RABGAP1L: variants seen among roughly 807,000 people sequenced by gnomAD.
The protein encoded by RABGAP1L is rab GTPase-activating protein 1-like.
Under a neutral mutation model 137.7 loss-of-function variants are expected in RABGAP1L, and 63 were observed. The ratio of observed to expected loss-of-function variants is 0.46; its 90% confidence interval spans 0.37 to 0.56. The LOEUF (loss-of-function observed/expected upper bound fraction) is 0.56, where lower values mean the gene tolerates loss of function less well. RABGAP1L is among the 20% of genes least tolerant of loss of function. The pLI is 0.00. For synonymous variants in RABGAP1L, 431 were observed against 433.7 expected (o/e 0.99, Z 0.08); for missense variants, 1,095 against 1,244.0 (o/e 0.88, Z 1.80).
At chr1:174,794,540 A>C (rs1294152954) in intron 18 of RABGAP1L, among the ~76,000 whole-genome samples, 1 of 152,248 alleles carries the variant, frequency 6.6e-6, no homozygotes, top group Non-Finnish European at 1.5e-5. Context: ...GTTGCCATAC[A>C]GAAGCTCAGA....
intron 14 of RABGAP1L, among the ~76,000 whole-genome samples, chr1:174,645,426 C>T (rs138213021): frequency 0.021 from 2,340 of 109,120 alleles, 52 homozygotes; most frequent in African/African-American, 0.068. Flanking sequence ...GTGTGATGTT[C>T]CCCTCCCTGT....
chr1:174,588,357 G>A (rs1233651103), intron 13 of RABGAP1L, among the ~76,000 whole-genome samples: 2 of 151,290 alleles, frequency 1.3e-5, no homozygotes, highest in Non-Finnish European at 2.9e-5. Flanking sequence ...AGAGATGGGG[G>A]TTTCATCATG....
intron 17 of RABGAP1L, among the ~76,000 whole-genome samples, chr1:174,743,621 C>G (rs937056793): frequency 6.6e-6 from 1 of 151,620 alleles, no homozygotes; most frequent in East Asian, 1.9e-4. Context: ...TGAACATATA[C>G]CTTTGAACCT....
rs58721848 is a variant in RABGAP1L at position 174,685,551 on chromosome 1, CTTTA to C, written c.1899+1984_1899+1987del. ...TACAGGCGTGAGCCACCGCGCCGGC[CTTTA>C]TTTATTTATTTATTTATTTATTTAT... On this transcript the variant is annotated intron_variant, in intron 15 of 25. Coordinates refer to ENST00000681986, the MANE Select transcript of RABGAP1L (RefSeq NM_001366446.1). Among the ~76,000 whole-genome samples, 790 of 145,044 alleles carry C rather than the reference CTTTA, an allele frequency of 5.4e-3. 10 individuals are homozygous for C. The highest frequency in any genetic ancestry group is 0.019 in the African/African-American group (735 of 38,386).
chr1:174,733,332 A>T (rs1258103543), intron 17 of RABGAP1L, among the ~76,000 whole-genome samples: 1 of 152,146 alleles, frequency 6.6e-6, no homozygotes, highest in Non-Finnish European at 1.5e-5. Flanking sequence ...CATCCCTCAC[A>T]TGCACTTTCG....
intron 13 of RABGAP1L, among the ~76,000 whole-genome samples, chr1:174,463,161 G>T (rs1431633484): frequency 6.6e-6 from 1 of 151,978 alleles, no homozygotes; most frequent in Admixed American, 6.6e-5. Flanking sequence ...CCCATTACTG[G>T]GTATATACCC....
chr1:174,173,077 A>G (rs1371927779), intron 1 of RABGAP1L, among the ~76,000 whole-genome samples: 1 of 151,976 alleles, frequency 6.6e-6, no homozygotes, highest in Admixed American at 6.6e-5. Context: ...ATATATAATT[A>G]TCTGAGTAAG....
chr1:174,701,000 T>G, intron 16 of RABGAP1L: 1 of 1,221,744 alleles, frequency 8.2e-7, no homozygotes, highest in Non-Finnish European at 1.1e-6. Context: ...CATTTGGACG[T>G]TCCATTTGAA....
intron 1 of RABGAP1L, among the ~76,000 whole-genome samples, chr1:174,197,815 G>C (rs1260465661): frequency 2.6e-5 from 4 of 151,820 alleles, no homozygotes; most frequent in South Asian, 2.1e-4. Context: ...AAAAAAATCT[G>C]TTATGGTGTG....
At position 174,862,933 on chromosome 1, in the gene RABGAP1L, C is replaced by T. The variant is rs201424121; in HGVS notation, c.2340+50973C>T. 4.0e-5 allele frequency among the ~76,000 whole-genome samples: 6 copies of T among 151,500 alleles called. No individual in the cohort carries two copies. In the East Asian group the frequency reaches 7.8e-4, roughly 20 times the overall value. On this transcript the variant is annotated intron_variant, in intron 19 of 25. Coordinates refer to ENST00000681986, the MANE Select transcript of RABGAP1L (RefSeq NM_001366446.1). ...TTTTTTAAATGGAGTCTTGCTGTGTCGCCCAGGTTGGAGTGCAGTAGCTCG... is the reference window on the plus strand; with the variant it reads ...TTTTTTAAATGGAGTCTTGCTGTGTTGCCCAGGTTGGAGTGCAGTAGCTCG...
At chr1:174,962,203 C>T (rs115335206) in intron 20 of RABGAP1L, among the ~76,000 whole-genome samples, 1 of 137,708 alleles carries the variant, frequency 7.3e-6, no homozygotes, top group Non-Finnish European at 1.6e-5. Context: ...TACACCCCCC[C>T]CCCACACACA....
At chr1:174,435,391 G>C (rs1190314048) in intron 13 of RABGAP1L, among the ~76,000 whole-genome samples, 1 of 151,884 alleles carries the variant, frequency 6.6e-6, no homozygotes, top group East Asian at 1.9e-4. Flanking sequence ...TATATTTGCA[G>C]TTTCAATTTT....
chr1:174,383,564 C>A (rs930038877), intron 12 of RABGAP1L, among the ~76,000 whole-genome samples: 3 of 152,178 alleles, frequency 2.0e-5, no homozygotes, highest in East Asian at 1.9e-4. Flanking sequence ...CAGGTGCGTC[C>A]GTCACCGCTT....
chr1:174,559,219 C>T (rs1425006606), intron 13 of RABGAP1L, among the ~76,000 whole-genome samples: 1 of 152,070 alleles, frequency 6.6e-6, no homozygotes, highest in Non-Finnish European at 1.5e-5. Context: ...TTTTCTATTG[C>T]TCATATTATC....
chr1:174,489,140 A>G (rs1659964387), intron 13 of RABGAP1L, among the ~76,000 whole-genome samples: 1 of 152,048 alleles, frequency 6.6e-6, no homozygotes, highest in South Asian at 2.1e-4. Context: ...TGACTAAAAC[A>G]CCAAAAACAA....
chr1:174,699,556 TG>T lies in RABGAP1L; in HGVS notation c.1932del (p.Ile646SerfsTer7). ...GAGGAACAAGCATTCTGTGTTTTGG[TG>T]AAAATCATGTACGACTATGGTTTGA... ...MPEEQAFCVL[V>X]KIMYDYGLRD... On this transcript the variant is annotated frameshift_variant, in exon 16 of 26. Coordinates refer to ENST00000681986, the MANE Select transcript of RABGAP1L (RefSeq NM_001366446.1). LOFTEE classifies it high-confidence loss of function. 6.2e-7 allele frequency: 1 copy of T among 1,612,310 alleles called. No individual in the cohort carries two copies. The highest frequency in any genetic ancestry group is 8.5e-7 in the Non-Finnish European group (1 of 1,178,518).
chr1:174,808,279 G>T (rs1689524132), intron 18 of RABGAP1L, among the ~76,000 whole-genome samples: 1 of 151,864 alleles, frequency 6.6e-6, no homozygotes, highest in Non-Finnish European at 1.5e-5. Context: ...GAGCTACCGT[G>T]CCCAGCCAAA....
intron 23 of RABGAP1L, among the ~76,000 whole-genome samples, chr1:174,979,791 T>C (rs1353289055): frequency 6.6e-6 from 1 of 152,204 alleles, no homozygotes; most frequent in Non-Finnish European, 1.5e-5. Context: ...TATCTACTGG[T>C]ATCTTCCTGT....
intron 14 of RABGAP1L, among the ~76,000 whole-genome samples, chr1:174,643,596 CAGTAAT>C: frequency 6.6e-6 from 1 of 152,200 alleles, no homozygotes; most frequent in South Asian, 2.1e-4. Context: ...ATAATCATAA[CAGTAAT>C]AGTAAAAATT....
Sources: allele counts gnomAD v4.1 joint callset (sites outside exome capture counted in the v4.1 genomes callset), GRCh38; gene constraint gnomAD v4.1.1; transcripts MANE v1.5; gene names NCBI Gene and HGNC (gene_info 2026-07-23, HGNC 2026-07-21).